HIVEP3: variants seen among roughly 807,000 people sequenced by gnomAD.
The protein encoded by HIVEP3 is HIVEP zinc finger 3.
In HIVEP3, 49 loss-of-function variants were observed where a neutral mutation model predicts 152.8. That is an observed-to-expected ratio of 0.32 (90% confidence interval 0.26 to 0.41). The LOEUF is 0.41. Among genes scored for constraint, HIVEP3 ranks in the 10% least tolerant of loss-of-function variants. The pLI is 1.00. For missense variants in HIVEP3, 2,790 were observed against 3,103.3 expected, an observed-to-expected ratio of 0.90 and a Z score of 2.40; for synonymous variants, 1,269 against 1,289.0, an observed-to-expected ratio of 0.98 and a Z score of 0.33.
intron 3 of HIVEP3, among the ~76,000 whole-genome samples, chr1:41,616,174 G>A (rs1644965460): frequency 6.6e-6 from 1 of 152,008 alleles, no homozygotes; most frequent in South Asian, 2.1e-4. Context: ...TTTCAGACAG[G>A]TCATGGTGTC....
chr1:41,838,881 T>C (rs778319552), intron 1 of HIVEP3, among the ~76,000 whole-genome samples: 1 of 152,096 alleles, frequency 6.6e-6, no homozygotes, highest in Admixed American at 6.6e-5. Context: ...TAGCAACTAA[T>C]CAAAACACCA....
At chr1:41,568,541 G>A (rs567562609) in intron 5 of HIVEP3, among the ~76,000 whole-genome samples, 1 of 152,348 alleles carries the variant, frequency 6.6e-6, no homozygotes, top group South Asian at 2.1e-4. Flanking sequence ...CTCTTGTTGG[G>A]CTGAGAACGG....
At chr1:41,780,000 A>G (rs78001218) in intron 1 of HIVEP3, among the ~76,000 whole-genome samples, 4,087 of 152,304 alleles carry the variant, frequency 0.027, 105 homozygotes, top group East Asian at 0.076. Flanking sequence ...CAGGGTTTGA[A>G]AAAGGGTAAA....
At chr1:41,618,490 A>G (rs1402324472) in intron 3 of HIVEP3, among the ~76,000 whole-genome samples, 1 of 152,158 alleles carries the variant, frequency 6.6e-6, no homozygotes, top group Admixed American at 6.5e-5. Context: ...GCAGCCTCCT[A>G]CCGAGGCCCA....
chr1:41,891,083 G>A (rs986456838), intron 1 of HIVEP3, among the ~76,000 whole-genome samples: 7 of 152,258 alleles, frequency 4.6e-5, no homozygotes, highest in African/African-American at 1.7e-4. Flanking sequence ...TGACCACACA[G>A]AGTCACTTTG....
intron 1 of HIVEP3, among the ~76,000 whole-genome samples, chr1:42,020,168 T>G (rs1243323722): frequency 6.6e-6 from 1 of 152,116 alleles, no homozygotes; most frequent in Non-Finnish European, 1.5e-5. Context: ...TTTTCTTTTC[T>G]TGTAATGTCT....
chr1:41,780,864 A>T (rs1649002420), intron 1 of HIVEP3, among the ~76,000 whole-genome samples: 1 of 152,174 alleles, frequency 6.6e-6, no homozygotes, highest in South Asian at 2.1e-4. Context: ...AACAGGAATG[A>T]CCTCCCCAGA....
chr1:41,957,033 T>G (rs1465015927), intron 1 of HIVEP3, among the ~76,000 whole-genome samples: 1 of 152,180 alleles, frequency 6.6e-6, no homozygotes, highest in African/African-American at 2.4e-5. Context: ...TATTTGGAAG[T>G]GAAATTAATA....
At chr1:42,016,540 T>C (rs1645524166) in intron 1 of HIVEP3, among the ~76,000 whole-genome samples, 1 of 152,180 alleles carries the variant, frequency 6.6e-6, no homozygotes. Flanking sequence ...GTATAGTTCC[T>C]ACTGATTTTA....
intron 1 of HIVEP3, among the ~76,000 whole-genome samples, chr1:41,974,105 C>T (rs1257824474): frequency 6.6e-6 from 1 of 151,964 alleles, no homozygotes; most frequent in Non-Finnish European, 1.5e-5. Context: ...GAGCTGGATG[C>T]GTTCACAGCA....
intron 1 of HIVEP3, among the ~76,000 whole-genome samples, chr1:41,803,788 A>G (rs1326705459): frequency 6.6e-6 from 1 of 152,218 alleles, no homozygotes; most frequent in Non-Finnish European, 1.5e-5. Flanking sequence ...ATGTCACACA[A>G]ACTCCCCTTG....
At chr1:41,521,972 C>T (rs997199376) in intron 6 of HIVEP3, among the ~76,000 whole-genome samples, 13 of 152,364 alleles carry the variant, frequency 8.5e-5, no homozygotes, top group Admixed American at 5.2e-4. Context: ...CACCTACTGA[C>T]GCATTCCTTA....
chr1:41,671,637 G>A (rs1025932046), intron 2 of HIVEP3, among the ~76,000 whole-genome samples: 5 of 152,198 alleles, frequency 3.3e-5, no homozygotes, highest in African/African-American at 9.6e-5. Context: ...ATGAGGCTCC[G>A]CCTCACGCAG....
At chr1:41,780,692 G>A (rs1204542436) in intron 1 of HIVEP3, among the ~76,000 whole-genome samples, 1 of 152,176 alleles carries the variant, frequency 6.6e-6, no homozygotes, top group African/African-American at 2.4e-5. Context: ...TGACCCAAGG[G>A]AGGCAAAGCT....
rs763245562 is a variant in HIVEP3 at position 41,562,597 on chromosome 1, T to TCC, written c.5207+12946_5207+12947insGG. Among the ~76,000 whole-genome samples the TCC allele has an allele frequency of 7.4e-3, 252 of 34,278 alleles. 1 individual carries two copies. Among genetic ancestry groups the TCC allele is most frequent in the Non-Finnish European group, 0.024 (169 of 7,090 alleles). The allele number at this position is 34,278 out of a possible 152,430, so 22.5% of individuals were successfully genotyped here. ...TCTTTTCCTTCCTTCCTTCCTTCCT[T>TCC]TCTTTCTCTCTCTCTCTCTCTCTCT... is the stretch of plus-strand genomic sequence containing the variant. On this transcript the variant is annotated intron_variant, in intron 5 of 8. Coordinates refer to ENST00000372583, the MANE Select transcript of HIVEP3 (RefSeq NM_024503.5).
chr1:41,578,302 C>T (rs1416984140), intron 4 of HIVEP3, among the ~76,000 whole-genome samples: 1 of 152,194 alleles, frequency 6.6e-6, no homozygotes, highest in Non-Finnish European at 1.5e-5. Flanking sequence ...ATTATAACAG[C>T]ATCTTGGGAG....
intron 1 of HIVEP3, among the ~76,000 whole-genome samples, chr1:41,834,526 A>T (rs982766031): frequency 3.9e-5 from 6 of 152,228 alleles, no homozygotes; most frequent in Admixed American, 3.9e-4. Context: ...AGAACACTAT[A>T]GCTGTAACAG....
Position 41,556,258 on chromosome 1 carries a change from G to T in HIVEP3, c.5207+19286C>A, listed in dbSNP as rs760061159. 3.3e-5 allele frequency among the ~76,000 whole-genome samples: 5 copies of T among 152,308 alleles called. No individual in the cohort carries two copies. In the South Asian group the frequency reaches 1.0e-3, roughly 32 times the overall value. ...CACGCTCCCACCAGCAGCGTACAAA[G>T]GTTCCAATTTCTCCACATCCTTCTC... On this transcript the variant is annotated intron_variant, in intron 5 of 8. Transcript: ENST00000372583.
chr1:41,539,416 T>C (rs1195463618), intron 5 of HIVEP3, among the ~76,000 whole-genome samples: 6 of 152,200 alleles, frequency 3.9e-5, no homozygotes, highest in Admixed American at 2.0e-4. Flanking sequence ...CCTCAAACAA[T>C]TCCACATGTG....
Sources: gnomAD v4.1 joint callset for allele counts (sites outside exome capture counted in the v4.1 genomes callset) on GRCh38, gnomAD v4.1.1 for gene constraint, MANE v1.5 for transcripts, NCBI Gene and HGNC (gene_info 2026-07-23, HGNC 2026-07-21) for gene names.